Variants in FBXL7 observed in about 807,000 individuals in gnomAD.
FBXL7 encodes the protein F-box/LRR-repeat protein 7.
Under a neutral mutation model 38.3 loss-of-function variants are expected in FBXL7, and 12 were observed. That is an observed-to-expected ratio of 0.31 (90% confidence interval 0.20 to 0.51). FBXL7 has a LOEUF of 0.51. FBXL7 is among the 20% of genes least tolerant of loss of function. The pLI, the probability that FBXL7 is intolerant of heterozygous loss-of-function variation, is 0.98. For missense variants in FBXL7, 567 were observed against 676.4 expected, an observed-to-expected ratio of 0.84 and a Z score of 1.79; for synonymous variants, 297 against 300.9, an observed-to-expected ratio of 0.99 and a Z score of 0.13.
intron 2 of FBXL7, among the ~76,000 whole-genome samples, chr5:15,888,708 G>A (rs1456323961): frequency 2.0e-5 from 3 of 151,902 alleles, no homozygotes; most frequent in Non-Finnish European, 4.4e-5. Context: ...TCTCTTTCAC[G>A]GCCCACTCTG....
chr5:15,555,348 G>A (rs373030117), intron 1 of FBXL7, among the ~76,000 whole-genome samples: 1 of 152,196 alleles, frequency 6.6e-6, no homozygotes, highest in African/African-American at 2.4e-5. Flanking sequence ...AAGCACAGCT[G>A]TCTAATAGTG....
chr5:15,523,193 G>A (rs906235780), intron 1 of FBXL7, among the ~76,000 whole-genome samples: 2 of 152,092 alleles, frequency 1.3e-5, no homozygotes, highest in African/African-American at 4.8e-5. Context: ...AGATTTCACC[G>A]AGTTTATTAG....
intron 2 of FBXL7, among the ~76,000 whole-genome samples, chr5:15,801,736 G>T (rs1272988087): frequency 6.6e-6 from 1 of 150,656 alleles, no homozygotes; most frequent in African/African-American, 2.4e-5. Context: ...CTTACCTTTG[G>T]CTGTCTTCTC....
chr5:15,547,171 G>C (rs920061085), intron 1 of FBXL7, among the ~76,000 whole-genome samples: 1 of 152,194 alleles, frequency 6.6e-6, no homozygotes, highest in Non-Finnish European at 1.5e-5. Context: ...AGTGCTCCTG[G>C]TTTGTGAGCT....
intron 2 of FBXL7, among the ~76,000 whole-genome samples, chr5:15,638,036 G>A (rs1741240956): frequency 6.6e-6 from 1 of 152,162 alleles, no homozygotes; most frequent in Admixed American, 6.5e-5. Flanking sequence ...CCTCCCCTAG[G>A]TCAGGCCCCT....
chr5:15,540,627 G>T (rs1264941029), intron 1 of FBXL7, among the ~76,000 whole-genome samples: 1 of 152,136 alleles, frequency 6.6e-6, no homozygotes. Flanking sequence ...TACCCTGGGT[G>T]GCTTATAGAC....
intron 2 of FBXL7, among the ~76,000 whole-genome samples, chr5:15,707,088 T>G (rs1743704509): frequency 6.6e-6 from 1 of 152,020 alleles, no homozygotes; most frequent in Non-Finnish European, 1.5e-5. Flanking sequence ...AGGTATATAT[T>G]TAACATTGGG....
At chr5:15,621,570 G>C (rs1447370364) in intron 2 of FBXL7, among the ~76,000 whole-genome samples, 1 of 152,160 alleles carries the variant, frequency 6.6e-6, no homozygotes, top group South Asian at 2.1e-4. Flanking sequence ...TTAGGAAGAA[G>C]CTTCCTGAAA....
chr5:15,937,445 A>G lies in FBXL7; in HGVS notation c.*259A>G, dbSNP rs1579618715. The G allele has an allele frequency of 2.2e-6, 1 of 459,910 alleles. No individual in the cohort carries two copies. The highest frequency in any genetic ancestry group is 3.9e-6 in the Non-Finnish European group (1 of 258,102). The allele number at this position is 459,910 out of a possible 1,614,324, so 28.5% of individuals were successfully genotyped here. ...CTTCTCACAAAAGATGTACTTAAGC[A>G]GGCTGATCGCTGTTCCTTGAGCAAG... On this transcript the variant is annotated 3_prime_UTR_variant, in exon 4 of 4. Transcript: ENST00000504595.
At chr5:15,600,741 A>T (rs1377942004) in intron 1 of FBXL7, among the ~76,000 whole-genome samples, 1 of 152,214 alleles carries the variant, frequency 6.6e-6, no homozygotes, top group Non-Finnish European at 1.5e-5. Context: ...AAGGAGGAGA[A>T]TCAATGCCTT....
rs1421805935 is a variant in FBXL7, at chr5:15,500,196, T to A, written c.-481T>A. 6.6e-6 allele frequency: 1 copy of A among 151,928 alleles called. No individual in the cohort carries two copies. Among genetic ancestry groups the A allele is most frequent in the Non-Finnish European group, 1.5e-5 (1 of 67,928 alleles). The allele number at this position is 151,928 out of a possible 1,614,324, so 9.4% of individuals were successfully genotyped here. A position where few individuals can be genotyped will look rare whatever the true frequency, so the allele number is the denominator to read the frequency against. ...GCGAGCTGCGCCGGGTCGCTAGTCT[T>A]CACTCGCTCCGGGGACCCGCAACAA... On this transcript the variant is annotated 5_prime_UTR_variant, in exon 1 of 4. Coordinates refer to ENST00000504595, the MANE Select transcript of FBXL7 (RefSeq NM_012304.5).
intron 2 of FBXL7, among the ~76,000 whole-genome samples, chr5:15,812,937 T>C (rs931156578): frequency 3.9e-5 from 6 of 152,140 alleles, no homozygotes; most frequent in Non-Finnish European, 1.5e-5. Context: ...TGTTTGTCTG[T>C]TATTGGTGTA....
intron 2 of FBXL7, among the ~76,000 whole-genome samples, chr5:15,764,738 T>C (rs978366276): frequency 1.2e-4 from 19 of 152,224 alleles, no homozygotes; most frequent in African/African-American, 4.6e-4. Flanking sequence ...CCCCACAGGG[T>C]ATTGGGAGCA....
At chr5:15,711,834 T>C (rs1743886319) in intron 2 of FBXL7, among the ~76,000 whole-genome samples, 1 of 152,174 alleles carries the variant, frequency 6.6e-6, no homozygotes, top group Admixed American at 6.5e-5. Flanking sequence ...TTGAGAAACA[T>C]ATAAAAATGT....
chr5:15,828,060 G>A (rs1420547043), intron 2 of FBXL7, among the ~76,000 whole-genome samples: 1 of 152,188 alleles, frequency 6.6e-6, no homozygotes, highest in Non-Finnish European at 1.5e-5. Flanking sequence ...TAGGCATTCA[G>A]GTGGAAGATA....
chr5:15,888,280 T>C (rs928157211), intron 2 of FBXL7, among the ~76,000 whole-genome samples: 1 of 151,906 alleles, frequency 6.6e-6, no homozygotes, highest in Non-Finnish European at 1.5e-5. Flanking sequence ...TAGGCTGGAG[T>C]GCAGTGGCGC....
chr5:15,884,505 A>G (rs1217411199), intron 2 of FBXL7, among the ~76,000 whole-genome samples: 1 of 152,070 alleles, frequency 6.6e-6, no homozygotes, highest in Non-Finnish European at 1.5e-5. Flanking sequence ...CTTATGGCCA[A>G]ATTTAACGAG....
At chr5:15,644,026 A>G (rs772141418) in intron 2 of FBXL7, among the ~76,000 whole-genome samples, 33 of 152,226 alleles carry the variant, frequency 2.2e-4, no homozygotes, top group African/African-American at 4.1e-4. Flanking sequence ...CTGTCAGGCC[A>G]TAATAGCTAG....
At chr5:15,860,030 G>A (rs915905332) in intron 2 of FBXL7, among the ~76,000 whole-genome samples, 3 of 152,178 alleles carry the variant, frequency 2.0e-5, no homozygotes, top group African/African-American at 7.2e-5. Flanking sequence ...TCCAGTTGCA[G>A]ACAGTTGTAA....
Sources: gnomAD v4.1 joint callset for allele counts (sites outside exome capture counted in the v4.1 genomes callset) on GRCh38, gnomAD v4.1.1 for gene constraint, MANE v1.5 for transcripts, NCBI Gene and HGNC (gene_info 2026-07-23, HGNC 2026-07-21) for gene names.